The following PCNX2 variants were observed in gnomAD, a reference collection of about 807,000 sequenced individuals.
PCNX2 encodes the protein pecanex 2, also known as pecanex-like protein 2.
PCNX2 carries 168 observed loss-of-function variants against 223.8 expected under a neutral mutation model. The ratio of observed to expected loss-of-function variants is 0.75; its 90% CI spans 0.66 to 0.85. The LOEUF (loss-of-function observed/expected upper bound fraction) is 0.85, where lower values mean the gene tolerates loss of function less well. Ranked by LOEUF, PCNX2 falls within the 40% of genes least tolerant of loss-of-function variation. The pLI is 0.00. For missense variants in PCNX2, 2,507 were observed against 2,675.5 expected (o/e 0.94, Z 1.39); for synonymous variants, 1,006 against 1,052.6 (o/e 0.96, Z 0.86).
chr1:233,076,136 T>A (rs1673086690), intron 23 of PCNX2, among the ~76,000 whole-genome samples: 1 of 152,202 alleles, frequency 6.6e-6, no homozygotes, highest in Non-Finnish European at 1.5e-5. Context: ...TTCCCCCAAG[T>A]TTAATTTGAC....
chr1:233,135,386 C>G (rs757596234), intron 20 of PCNX2, among the ~76,000 whole-genome samples, 196 bp from the exon 21 acceptor site: 73 of 152,192 alleles, frequency 4.8e-4, no homozygotes, highest in Non-Finnish European at 7.6e-4. Context: ...AGGAACTTGT[C>G]TAAGGTCTCA....
chr1:233,154,453 A>G (rs916568411), intron 19 of PCNX2, among the ~76,000 whole-genome samples: 1 of 152,176 alleles, frequency 6.6e-6, no homozygotes, highest in Admixed American at 6.5e-5. Context: ...TAAGCTTTTC[A>G]GTATGGCACA....
chr1:233,082,344 T>C (rs1254383099), intron 23 of PCNX2, among the ~76,000 whole-genome samples: 2 of 152,162 alleles, frequency 1.3e-5, no homozygotes, highest in African/African-American at 4.8e-5. Flanking sequence ...GAATAATAGA[T>C]CCAGGGCCCA....
Position 233,258,212 on chromosome 1 carries a change from G to A in PCNX2, c.1650C>T (p.Asn550=), listed in dbSNP as rs562674546. 6.3e-5 allele frequency: 101 copies of A among 1,613,926 alleles called. No homozygotes were observed. In the Middle Eastern group the frequency reaches 3.6e-3, roughly 58 times the overall value. Residue 550 remains asparagine, a synonymous_variant, in exon 5 of 34, where the codon AAC becomes AAT. Transcript: ENST00000258229. The part of the protein sequence containing the change: ...FLSKSSAEIV[N]DTEKTMPTSK... ...AAGTTGGCATTGTTTTCTCTGTATC[G>A]TTAACAATTTCTGCAGAACTTTTAC...
chr1:233,157,641 C>T (rs963713055), intron 19 of PCNX2, among the ~76,000 whole-genome samples: 3 of 152,068 alleles, frequency 2.0e-5, no homozygotes, highest in Non-Finnish European at 2.9e-5. Context: ...GCCTGAGTTA[C>T]CTGTACATGT....
At chr1:233,133,859 G>A (rs1204302445) in intron 21 of PCNX2, among the ~76,000 whole-genome samples, 1 of 152,088 alleles carries the variant, frequency 6.6e-6, no homozygotes, top group Non-Finnish European at 1.5e-5. Context: ...GTTTGTGAAG[G>A]AGTGAGACTC....
At chr1:233,144,079 G>A (rs1283869099) in intron 19 of PCNX2, among the ~76,000 whole-genome samples, 1 of 152,062 alleles carries the variant, frequency 6.6e-6, no homozygotes, top group African/African-American at 2.4e-5. Flanking sequence ...TACTTGGGAG[G>A]CTGAAGTAGG....
At chr1:233,183,084 C>T (rs1417912568) in intron 15 of PCNX2, among the ~76,000 whole-genome samples, 2 of 152,206 alleles carry the variant, frequency 1.3e-5, no homozygotes, top group African/African-American at 4.8e-5. Flanking sequence ...GGTATGAAAA[C>T]GACCTGCAAT....
At chr1:233,095,909 A>T (rs1316501337) in intron 21 of PCNX2, 46 bp from the exon 22 acceptor site, 1 of 1,379,484 alleles carries the variant, frequency 7.2e-7, no homozygotes. Flanking sequence ...CAATGACAAC[A>T]GTGGTAACTG....
Position 233,031,429 on chromosome 1 carries a change from A to T in PCNX2, c.4352-6030T>A, listed in dbSNP as rs192524380. Reference sequence around the variant, plus strand: ...TGAATGGACAAATAAAACAGTTCTTATCCAGATCTCTGTCTGAACAGGCAC... The same window carrying T: ...TGAATGGACAAATAAAACAGTTCTTTTCCAGATCTCTGTCTGAACAGGCAC... On this transcript the variant is annotated intron_variant, in intron 25 of 33. Coordinates refer to ENST00000258229, the MANE Select transcript of PCNX2 (RefSeq NM_014801.4). Among the ~76,000 whole-genome samples, 843 of 152,352 alleles carry T rather than the reference A, an allele frequency of 5.5e-3. 8 individuals carry two copies. The highest frequency in any genetic ancestry group is 0.034 in the Middle Eastern group (10 of 294).
intron 17 of PCNX2, among the ~76,000 whole-genome samples, chr1:233,162,001 CATGT>C (rs1163945787): frequency 6.8e-6 from 1 of 148,066 alleles, no homozygotes; most frequent in Non-Finnish European, 1.5e-5. Context: ...TTTATATATA[CATGT>C]ATGTTTATAT....
At chr1:233,082,588 G>A (rs1247888142) in intron 23 of PCNX2, among the ~76,000 whole-genome samples, 9 of 152,144 alleles carry the variant, frequency 5.9e-5, no homozygotes, top group Non-Finnish European at 1.3e-4. Flanking sequence ...AACTTTAAAG[G>A]AAGGGCAGCT....
chr1:233,223,836 C>G (rs1657539560), intron 10 of PCNX2, among the ~76,000 whole-genome samples: 2 of 152,288 alleles, frequency 1.3e-5, no homozygotes, highest in East Asian at 3.9e-4. Context: ...GTTTGAGAAG[C>G]ATGAATGATT....
chr1:233,264,360 C>T (rs1660219658), intron 1 of PCNX2, among the ~76,000 whole-genome samples: 2 of 152,140 alleles, frequency 1.3e-5, no homozygotes, highest in South Asian at 2.1e-4. Flanking sequence ...TCCAGTGATC[C>T]GTGTAGCTGG....
In PCNX2 at chr1:233,252,720, G is replaced by C. The variant is rs1422151855; in HGVS notation, c.1903C>G (p.Gln635Glu). The C allele has an allele frequency of 6.2e-7, 1 of 1,613,880 alleles. No homozygotes were observed. Among genetic ancestry groups the C allele is most frequent in the Non-Finnish European group, 8.5e-7 (1 of 1,179,864 alleles). Residue 635 changes from glutamine (Q) to glutamate (E), a missense_variant, in exon 6 of 34, where the codon CAA becomes GAA. Around this residue, in one of 3 missense-constraint regions of PCNX2, gnomAD observed 1,031 missense variants for 1,021.7 expected, o/e 1.01. Coordinates refer to ENST00000258229, the MANE Select transcript of PCNX2 (RefSeq NM_014801.4). ...NEKPSGHSSK[Q>E]GKPDLQSQDH... ...TGACTTTGCAAATCTGGTTTTCCTT[G>C]CTTAGAACTGTGTCCACTGGGCTTT...
chr1:233,011,875 T>TGGATTCTG (rs1334992342), intron 28 of PCNX2, among the ~76,000 whole-genome samples: 3 of 152,210 alleles, frequency 2.0e-5, no homozygotes, highest in Non-Finnish European at 4.4e-5. Context: ...CGTGTTTCCC[T>TGGATTCTG]GGATTCTGTG....
At position 232,984,255 on chromosome 1, in the gene PCNX2, C is replaced by T. The variant is rs1402894177; in HGVS notation, c.*49G>A. The T allele has an allele frequency of 2.7e-6, 4 of 1,507,934 alleles. No homozygotes were observed. The highest frequency in any genetic ancestry group is 1.3e-5 in the South Asian group (1 of 75,900). 93.4% of individuals were successfully genotyped at this position (1,507,934 alleles called of 1,614,324 possible). A position where few individuals can be genotyped will look rare whatever the true frequency, so the allele number is the denominator to read the frequency against. ...TTGGGGAGCACGAGGGAGAGCAATGCAGGTGGGAGGTGTGGGGGAGCCAGC... is the reference window on the plus strand; with the variant it reads ...TTGGGGAGCACGAGGGAGAGCAATGTAGGTGGGAGGTGTGGGGGAGCCAGC... On this transcript the variant is annotated 3_prime_UTR_variant, in exon 34 of 34. Transcript: ENST00000258229.
intron 1 of PCNX2, among the ~76,000 whole-genome samples, chr1:233,294,198 A>AG (rs1309706885): frequency 6.6e-6 from 1 of 152,226 alleles, no homozygotes; most frequent in East Asian, 1.9e-4. Flanking sequence ...GTCCAATCTC[A>AG]GGTCAAGACA....
intron 8 of PCNX2, among the ~76,000 whole-genome samples, chr1:233,238,028 C>T (rs919569613): frequency 1.3e-5 from 2 of 152,210 alleles, no homozygotes; most frequent in African/African-American, 4.8e-5. Flanking sequence ...ATACTGCTAT[C>T]GTGATGGACA....
Sources: allele counts gnomAD v4.1 joint callset (sites outside exome capture counted in the v4.1 genomes callset), GRCh38; gene constraint gnomAD v4.1.1; regional missense constraint gnomAD v4.1.1; transcripts MANE v1.5; gene names NCBI Gene and HGNC (gene_info 2026-07-23, HGNC 2026-07-21).